Variants in ABCG5 observed in about 807,000 individuals in gnomAD.
The protein encoded by ABCG5 is ATP-binding cassette sub-family G member 5.
A neutral mutation model predicts 64.5 loss-of-function variants in ABCG5; 64 were observed. The observed-to-expected ratio is 0.99, with a 90% CI of 0.81 to 1.22. ABCG5 has a LOEUF of 1.22. Among genes scored for constraint, ABCG5 ranks in the 50% most tolerant of loss-of-function variants. ABCG5 has a pLI of 0.00. For missense variants in ABCG5, 908 were observed against 829.5 expected (o/e 1.09, Z -1.16); for synonymous variants, 385 against 326.3 (o/e 1.18, Z -1.94).
Position 43,825,358 on chromosome 2 carries a change from C to T in ABCG5, c.775-340G>A, listed in dbSNP as rs141669706. Among the ~76,000 whole-genome samples, 222 of 152,176 alleles carry T rather than the reference C, an allele frequency of 1.5e-3. 2 individuals carry two copies. Among genetic ancestry groups the T allele is most frequent in the Non-Finnish European group, 3.4e-4 (23 of 67,996 alleles). ...GCCAAGCCAAGTGAGTGACCTCGGG[C>T]GAGCAGGGGTGGGTCTTAGTTTGTT... On this transcript the variant is annotated intron_variant, in intron 6 of 12. Transcript: ENST00000405322.
At chr2:43,808,628 G>A (rs867982817), downstream of ABCG5, among the ~76,000 whole-genome samples, 1 of 152,168 alleles carries the variant, frequency 6.6e-6, no homozygotes, top group African/African-American at 2.4e-5. Flanking sequence ...TTTATGAATT[G>A]TAAAGGTAAG....
chr2:43,837,537 A>G lies in ABCG5; in HGVS notation c.265+297T>C, dbSNP rs549805013. 2.0e-5 allele frequency among the ~76,000 whole-genome samples: 3 copies of G among 152,292 alleles called. No homozygotes were observed. The South Asian group carries it at 6.2e-4, about 32-fold the overall frequency. On this transcript the variant is annotated intron_variant, in intron 2 of 12. Transcript: ENST00000405322. ...CTTATTTAATCCTTTTCCTGTCTCT[A>G]GGCAGTGTACAGATAGGGGAAATTG...
chr2:43,832,470 C>A (rs1668011578), intron 2 of ABCG5: 4 of 295,564 alleles, frequency 1.4e-5, no homozygotes, highest in Admixed American at 4.6e-5. Flanking sequence ...GATCCTAGGA[C>A]GGATTTCTTT....
intron 2 of ABCG5, among the ~76,000 whole-genome samples, chr2:43,836,130 C>T (rs991215258): frequency 3.0e-4 from 45 of 151,826 alleles, no homozygotes; most frequent in Non-Finnish European, 4.7e-4. Flanking sequence ...TTAGTAGAGA[C>T]GGGTTTTGCC....
At chr2:43,831,715 CG>C (rs1220079725) in intron 4 of ABCG5, 53 bp downstream of exon 4, 8 of 1,486,058 alleles carry the variant, frequency 5.4e-6, no homozygotes, top group Admixed American at 2.0e-5. Flanking sequence ...AGGAGGGCAG[CG>C]GGGGGTGCAA....
intron 4 of ABCG5, 111 bp downstream of exon 4, chr2:43,831,658 A>G: frequency 9.0e-7 from 1 of 1,107,630 alleles, no homozygotes; most frequent in East Asian, 2.6e-5. Context: ...CTCTAGAGTG[A>G]AGGAGTGACG....
chr2:43,820,211 G>T, intron 10 of ABCG5, 111 bp from the exon 11 acceptor site: 1 of 1,299,338 alleles, frequency 7.7e-7, no homozygotes, highest in African/African-American at 1.5e-5. Context: ...GGAGAAGTTT[G>T]CAGGGCAAGC....
At chr2:43,832,432 G>A in intron 2 of ABCG5, 1 of 382,134 alleles carries the variant, frequency 2.6e-6, no homozygotes. Flanking sequence ...CAGAATAAGA[G>A]GAAAGCCAAG....
rs1438496268 is a variant in ABCG5 at position 43,831,880 on chromosome 2, CG to C, written c.403-14del. On this transcript the variant is annotated splice_polypyrimidine_tract_variant and intron_variant, in intron 3 of 12. Transcript: ENST00000405322. Reference sequence around the variant, plus strand: ...GCAGGGTGTCGCTCTGCAGGAGACTCGGGCGTCAGTGTAGCCTAAGCCCCCG... The same window carrying C: ...GCAGGGTGTCGCTCTGCAGGAGACTCGGCGTCAGTGTAGCCTAAGCCCCCG... The C allele has an allele frequency of 7.9e-7, 1 of 1,266,796 alleles. No homozygotes were observed. Among genetic ancestry groups the C allele is most frequent in the South Asian group, 1.2e-5 (1 of 80,026 alleles). The allele number at this position is 1,266,796 out of a possible 1,614,324, so 78.5% of individuals were successfully genotyped here. A position where few individuals can be genotyped will look rare whatever the true frequency, so the allele number is the denominator to read the frequency against.
At chr2:43,820,773 C>T (rs561713714) in intron 10 of ABCG5, among the ~76,000 whole-genome samples, 15 of 152,272 alleles carry the variant, frequency 9.9e-5, no homozygotes, top group African/African-American at 3.6e-4. Context: ...CCTGCCTCAG[C>T]CTCCCAAGTA....
intron 10 of ABCG5, among the ~76,000 whole-genome samples, chr2:43,821,844 TTCA>T (rs1667226504): frequency 6.6e-6 from 1 of 152,088 alleles, no homozygotes; most frequent in South Asian, 2.1e-4. Flanking sequence ...TCTTGATATC[TTCA>T]TCATCTCTAT....
chr2:43,823,816 G>A, intron 9 of ABCG5, 97 bp downstream of exon 9: 1 of 1,435,054 alleles, frequency 7.0e-7, no homozygotes, highest in Non-Finnish European at 9.4e-7. Context: ...TTAGCTCAGA[G>A]AAAAACCCTT....
In ABCG5 at chr2:43,838,121, G is replaced by C. The variant is rs947677734; in HGVS notation, c.144-166C>G. Reference sequence around the variant, plus strand: ...TCCTCTGTAGAACCTGGCAGATAGCGACTGAGGCTGTCTGCCACGTAGGGA... The same window carrying C: ...TCCTCTGTAGAACCTGGCAGATAGCCACTGAGGCTGTCTGCCACGTAGGGA... On this transcript the variant is annotated intron_variant, in intron 1 of 12. Transcript: ENST00000405322. This position sits in a 1 kb window ranked among gnomAD's most constrained non-coding sequence, Gnocchi z 4.2. 4 of 876,282 alleles carry C rather than the reference G, an allele frequency of 4.6e-6. No individual in the cohort carries two copies. The highest frequency in any genetic ancestry group is 7.0e-6 in the Non-Finnish European group (4 of 568,822). The allele number at this position is 876,282 out of a possible 1,614,324, so 54.3% of individuals were successfully genotyped here. A position where few individuals can be genotyped will look rare whatever the true frequency, so the allele number is the denominator to read the frequency against.
At chr2:43,830,967 G>A (rs777228006) in intron 4 of ABCG5, among the ~76,000 whole-genome samples, 4 of 152,176 alleles carry the variant, frequency 2.6e-5, no homozygotes, top group Non-Finnish European at 5.9e-5. Flanking sequence ...AAAAATCAGT[G>A]GCAAAAATAA....
intron 6 of ABCG5, among the ~76,000 whole-genome samples, chr2:43,825,947 T>C (rs906607827): frequency 1.3e-5 from 2 of 152,166 alleles, no homozygotes; most frequent in Non-Finnish European, 1.5e-5. Context: ...TCTCAGGAGC[T>C]GTTGGCTCCA....
At chr2:43,813,434 G>A (rs935338490) in intron 12 of ABCG5, 125 bp from the exon 13 acceptor site, 3 of 732,208 alleles carry the variant, frequency 4.1e-6, no homozygotes, top group Non-Finnish European at 7.3e-6. Flanking sequence ...CAAGCCCAGA[G>A]TTTACAATTT....
Position 43,838,503 on chromosome 2 carries a change from T to G in ABCG5, c.143+34A>C, listed in dbSNP as rs1158694854. 6.3e-7 allele frequency: 1 copy of G among 1,575,460 alleles called. No individual in the cohort carries two copies. The highest frequency in any genetic ancestry group is 2.3e-5 in the East Asian group (1 of 42,952). On this transcript the variant is annotated intron_variant, in intron 1 of 12. Coordinates refer to ENST00000405322, the MANE Select transcript of ABCG5 (RefSeq NM_022436.3). This position sits in a 1 kb window ranked among gnomAD's most constrained non-coding sequence, Gnocchi z 4.2. ...GGGTGAGCGCCGGGCCCCGCACTCC[T>G]GGGGGAGCAGCAGCAGCAAGGGCTC...
intron 10 of ABCG5, among the ~76,000 whole-genome samples, chr2:43,820,493 C>T (rs750721201): frequency 4.6e-4 from 70 of 152,232 alleles, no homozygotes; most frequent in Non-Finnish European, 7.2e-4. Flanking sequence ...TCACCCAACC[C>T]GCTTCCCAGC....
intron 5 of ABCG5, 40 bp downstream of exon 5, chr2:43,827,943 G>T: frequency 6.2e-7 from 1 of 1,612,182 alleles, no homozygotes; most frequent in Non-Finnish European, 8.5e-7. Context: ...CACAGAAGAT[G>T]CCCAGACAGC....
Sources: allele counts gnomAD v4.1 joint callset (sites outside exome capture counted in the v4.1 genomes callset), GRCh38; gene constraint gnomAD v4.1.1; non-coding constraint Gnocchi (gnomAD v3.1); transcripts MANE v1.5; gene names NCBI Gene and HGNC (gene_info 2026-07-23, HGNC 2026-07-21).